HIVEP3: variants seen among roughly 807,000 people sequenced by gnomAD.
The protein encoded by HIVEP3 is HIVEP zinc finger 3.
Under a neutral mutation model 152.8 loss-of-function variants are expected in HIVEP3, and 49 were observed. The ratio of observed to expected loss-of-function variants is 0.32; its 90% CI spans 0.26 to 0.41. The LOEUF (loss-of-function observed/expected upper bound fraction) is 0.41, where lower values mean the gene tolerates loss of function less well. Ranked by LOEUF, HIVEP3 falls within the 10% of genes least tolerant of loss-of-function variation. The probability of loss-of-function intolerance (pLI) is 1.00; values close to 1 mark genes in which losing one functional copy is unlikely to be tolerated. For missense variants in HIVEP3, 2,790 were observed against 3,103.3 expected (o/e 0.90, Z 2.40); for synonymous variants, 1,269 against 1,289.0 (o/e 0.98, Z 0.33).
In HIVEP3 at chr1:42,013,034, T is replaced by C. The variant is rs537888545; in HGVS notation, n.119+22773A>G. On this transcript the variant is annotated intron_variant and non_coding_transcript_variant, in intron 1 of 3. Coordinates refer to the HIVEP3 transcript ENST00000489103. ...CTGAGTGGCTTAAACAACAAAAATT[T>C]ATTGTCTACAGTTCTGGAGGCTAAA... Among the ~76,000 whole-genome samples, 7 of 152,294 alleles carry C rather than the reference T, an allele frequency of 4.6e-5. No individual in the cohort carries two copies. The South Asian group carries it at 1.5e-3, about 32-fold the overall frequency.
chr1:41,958,786 G>T (rs1017382234), intron 1 of HIVEP3, among the ~76,000 whole-genome samples: 3 of 152,182 alleles, frequency 2.0e-5, no homozygotes, highest in Admixed American at 6.5e-5. Context: ...AGTGGCCCGT[G>T]GTAAAGACAG....
chr1:41,574,253 C>T (rs893773266), intron 5 of HIVEP3, among the ~76,000 whole-genome samples: 1 of 152,140 alleles, frequency 6.6e-6, no homozygotes, highest in Non-Finnish European at 1.5e-5. Flanking sequence ...GATCCAGTGG[C>T]ATGAGAACAC....
At chr1:41,766,089 A>G (rs1268495774) in intron 1 of HIVEP3, among the ~76,000 whole-genome samples, 1 of 152,376 alleles carries the variant, frequency 6.6e-6, no homozygotes, top group East Asian at 1.9e-4. Context: ...GGGCAGGTTC[A>G]GGTGGGCCCT....
At chr1:41,953,514 T>G (rs1645122025) in intron 1 of HIVEP3, among the ~76,000 whole-genome samples, 2 of 152,218 alleles carry the variant, frequency 1.3e-5, no homozygotes. Flanking sequence ...CTTCTTGTAA[T>G]TGTCAGATGT....
chr1:41,775,167 T>C (rs1201868705), intron 1 of HIVEP3, among the ~76,000 whole-genome samples: 2 of 152,296 alleles, frequency 1.3e-5, no homozygotes, highest in Middle Eastern at 3.4e-3. Context: ...TTTTCTGGTG[T>C]TGAAACATGA....
At chr1:41,842,601 C>G (rs1643322341) in intron 1 of HIVEP3, among the ~76,000 whole-genome samples, 1 of 152,180 alleles carries the variant, frequency 6.6e-6, no homozygotes, top group Non-Finnish European at 1.5e-5. Flanking sequence ...TAACAGAATG[C>G]TAGCTTCCCA....
intron 1 of HIVEP3, among the ~76,000 whole-genome samples, chr1:41,964,756 A>T (rs909794315): frequency 1.3e-5 from 2 of 152,200 alleles, no homozygotes; most frequent in South Asian, 2.1e-4. Flanking sequence ...CAAAACTCTG[A>T]TCTCCCTGGG....
At chr1:41,692,958 A>G (rs534241761) in intron 2 of HIVEP3, among the ~76,000 whole-genome samples, 80 of 152,364 alleles carry the variant, frequency 5.3e-4, no homozygotes, top group African/African-American at 1.9e-3. Flanking sequence ...TTCAGCACTT[A>G]GTAGGGGCCC....
chr1:41,575,800 CA>C, intron 4 of HIVEP3, 111 bp from the exon 5 acceptor site: 4 of 1,156,652 alleles, frequency 3.5e-6, no homozygotes, highest in Non-Finnish European at 4.9e-6. Context: ...TACACATATG[CA>C]ATCTTCACAC....
At chr1:41,605,220 A>C (rs1644803476) in intron 3 of HIVEP3, among the ~76,000 whole-genome samples, 1 of 150,524 alleles carries the variant, frequency 6.6e-6, no homozygotes, top group African/African-American at 2.4e-5. Flanking sequence ...GAAGGAAAGG[A>C]AGGAAGAAAG....
chr1:41,992,323 C>A (rs932941268), intron 1 of HIVEP3, among the ~76,000 whole-genome samples: 2 of 150,798 alleles, frequency 1.3e-5, no homozygotes, highest in African/African-American at 2.5e-5. Flanking sequence ...AATAAATGTA[C>A]AAAAATCACA....
At chr1:41,969,871 A>C (rs944537315) in intron 1 of HIVEP3, among the ~76,000 whole-genome samples, 4 of 152,218 alleles carry the variant, frequency 2.6e-5, no homozygotes, top group African/African-American at 7.2e-5. Flanking sequence ...AGCAAAAAAC[A>C]ACCCCATTAA....
rs531952790 is a variant in HIVEP3, at chr1:41,969,467, C to G, written n.120-50943G>C. On this transcript the variant is annotated intron_variant and non_coding_transcript_variant, in intron 1 of 3. Coordinates refer to the HIVEP3 transcript ENST00000489103. The stretch of plus-strand genomic sequence containing the variant: ...AAAACAAGCAATGGGGACAGAATTT[C>G]CTATTAATAAATGGTGCTAGGAGAA... 2.0e-5 allele frequency among the ~76,000 whole-genome samples: 3 copies of G among 152,236 alleles called. No individual in the cohort carries two copies. The South Asian group carries it at 6.2e-4, about 32-fold the overall frequency.
chr1:41,919,681 G>A (rs1476151205), upstream of HIVEP3, among the ~76,000 whole-genome samples: 1 of 152,072 alleles, frequency 6.6e-6, no homozygotes, highest in South Asian at 2.1e-4. Flanking sequence ...GAGGTATGGA[G>A]GTAGAAAAAC....
chr1:41,844,755 A>T (rs1395926012), intron 1 of HIVEP3, among the ~76,000 whole-genome samples: 1 of 152,224 alleles, frequency 6.6e-6, no homozygotes, highest in Non-Finnish European at 1.5e-5. Context: ...CTAAACTAAC[A>T]TCCAAAGCAT....
At chr1:41,978,756 G>A (rs1645276601) in intron 1 of HIVEP3, among the ~76,000 whole-genome samples, 1 of 152,306 alleles carries the variant, frequency 6.6e-6, no homozygotes, top group Middle Eastern at 3.4e-3. Context: ...ACAGAGCCAT[G>A]GAGGAGGAGA....
At chr1:41,816,613 G>A (rs1196468731) in intron 1 of HIVEP3, among the ~76,000 whole-genome samples, 1 of 152,122 alleles carries the variant, frequency 6.6e-6, no homozygotes, top group African/African-American at 2.4e-5. Context: ...CAGGAGGCAG[G>A]AGTTGCAGTG....
chr1:41,836,456 G>C (rs932177283), intron 1 of HIVEP3, among the ~76,000 whole-genome samples: 8 of 152,170 alleles, frequency 5.3e-5, no homozygotes, highest in African/African-American at 1.9e-4. Context: ...GTTCTCCTTG[G>C]GCGTCACAGG....
At chr1:41,972,435 A>G (rs1645235188) in intron 1 of HIVEP3, among the ~76,000 whole-genome samples, 1 of 152,234 alleles carries the variant, frequency 6.6e-6, no homozygotes, top group Non-Finnish European at 1.5e-5. Context: ...TGGGCCAGGC[A>G]TAGGGACTCA....
Sources: gnomAD v4.1 joint callset for allele counts (sites outside exome capture counted in the v4.1 genomes callset) on GRCh38, gnomAD v4.1.1 for gene constraint, MANE v1.5 for transcripts, NCBI Gene and HGNC (gene_info 2026-07-23, HGNC 2026-07-21) for gene names.